The following WDR47 variants were observed in gnomAD, a reference collection of about 807,000 sequenced individuals.
The protein encoded by WDR47 is WD repeat domain 47, also known as WD repeat-containing protein 47.
WDR47 carries 32 observed loss-of-function variants against 97.2 expected under a neutral mutation model. The observed-to-expected ratio is 0.33, with a 90% CI of 0.25 to 0.44. The LOEUF is 0.44. Ranked by LOEUF, WDR47 falls within the 20% of genes least tolerant of loss-of-function variation. The pLI is 1.00. For synonymous variants in WDR47, 375 were observed against 373.5 expected (o/e 1.00, Z -0.05); for missense variants, 782 against 1,102.3 (o/e 0.71, Z 4.11).
chr1:109,035,551 G>A (rs913751201), intron 1 of WDR47, among the ~76,000 whole-genome samples: 2 of 148,402 alleles, frequency 1.3e-5, no homozygotes, highest in Non-Finnish European at 3.0e-5. Flanking sequence ...AGGCTGGAGT[G>A]CAGTGGCGCA....
intron 9 of WDR47, 181 bp from the exon 10 acceptor site, chr1:108,986,861 C>A: frequency 1.9e-6 from 1 of 523,228 alleles, no homozygotes; most frequent in Non-Finnish European, 3.3e-6. Flanking sequence ...TTACTAATAT[C>A]CTTTAAGAGG....
At chr1:108,979,607 T>C (rs893773607) in intron 13 of WDR47, among the ~76,000 whole-genome samples, 2 of 151,676 alleles carry the variant, frequency 1.3e-5, no homozygotes, top group African/African-American at 4.8e-5. Flanking sequence ...ATGATGGGAG[T>C]TGGAAAGGCA....
intron 11 of WDR47, 62 bp downstream of exon 11, chr1:108,983,220 C>A: frequency 1.4e-6 from 2 of 1,404,708 alleles, no homozygotes; most frequent in South Asian, 1.8e-5. Context: ...AGAAATACAA[C>A]ATGGAGAAAA....
chr1:108,989,663 C>A (rs559849397), intron 9 of WDR47, among the ~76,000 whole-genome samples: 4 of 152,296 alleles, frequency 2.6e-5, no homozygotes, highest in Admixed American at 2.0e-4. Flanking sequence ...GCAGAAGCCA[C>A]ACAAACTGAT....
intron 13 of WDR47, among the ~76,000 whole-genome samples, 185 bp downstream of exon 13, chr1:108,981,548 C>A (rs1356151463): frequency 1.3e-5 from 2 of 152,108 alleles, no homozygotes; most frequent in Non-Finnish European, 2.9e-5. Context: ...GTTCCCTAAG[C>A]TGAATATTAT....
At chr1:108,974,081 C>G (rs1366642201) in intron 14 of WDR47, among the ~76,000 whole-genome samples, 5 of 151,632 alleles carry the variant, frequency 3.3e-5, no homozygotes, top group Non-Finnish European at 5.9e-5. Flanking sequence ...GTAGTCCTAG[C>G]TACTTGCAGG....
chr1:108,978,401 C>G (rs1658090157), intron 13 of WDR47, among the ~76,000 whole-genome samples: 1 of 151,978 alleles, frequency 6.6e-6, no homozygotes, highest in African/African-American at 2.4e-5. Flanking sequence ...ATGGCGTGAA[C>G]CCGGGAGGCG....
intron 8 of WDR47, chr1:108,992,928 A>G (rs1659474167): frequency 1.1e-6 from 1 of 946,796 alleles, no homozygotes; most frequent in Admixed American, 2.4e-5. Context: ...ATATTTTTTT[A>G]ATTTCCTAGA....
intron 1 of WDR47, among the ~76,000 whole-genome samples, chr1:109,034,088 A>T (rs1270795389): frequency 6.6e-6 from 1 of 152,144 alleles, no homozygotes; most frequent in Non-Finnish European, 1.5e-5. Flanking sequence ...CAGGAGTTTG[A>T]GATCAGCCTG....
At chr1:108,986,439 C>A (rs1658818737) in intron 10 of WDR47, 84 bp downstream of exon 10, 1 of 1,247,946 alleles carries the variant, frequency 8.0e-7, no homozygotes, top group African/African-American at 1.5e-5. Flanking sequence ...TGAAACACTA[C>A]TGAATGGCAA....
chr1:108,976,589 A>C (rs998208815), intron 13 of WDR47, among the ~76,000 whole-genome samples: 5 of 152,196 alleles, frequency 3.3e-5, no homozygotes, highest in African/African-American at 1.2e-4. Flanking sequence ...GATGAAACTT[A>C]AAATCTATTG....
intron 1 of WDR47, among the ~76,000 whole-genome samples, chr1:109,031,157 AG>A (rs1484548266): frequency 7.1e-6 from 1 of 140,134 alleles, no homozygotes; most frequent in East Asian, 2.1e-4. Context: ...ACAAAAGAAA[AG>A]CTCTTCTAAC....
intron 2 of WDR47, among the ~76,000 whole-genome samples, chr1:109,019,682 T>C (rs1192051871): frequency 6.6e-6 from 1 of 152,156 alleles, no homozygotes; most frequent in African/African-American, 2.4e-5. Context: ...GCTGAGAAAC[T>C]CTGCTCTACA....
intron 2 of WDR47, among the ~76,000 whole-genome samples, chr1:109,018,223 C>T (rs1350784384): frequency 1.3e-5 from 2 of 151,584 alleles, no homozygotes; most frequent in Non-Finnish European, 2.9e-5. Context: ...CCAAGGTGGG[C>T]AGATCACCTG....
chr1:108,981,627 T>C, intron 13 of WDR47, 106 bp downstream of exon 13: 3 of 1,108,646 alleles, frequency 2.7e-6, no homozygotes, highest in Non-Finnish European at 3.7e-6. Context: ...ATATCAAGTA[T>C]TTATTTCACA....
chr1:109,024,452 C>G (rs1557958511), intron 1 of WDR47, among the ~76,000 whole-genome samples: 2 of 144,118 alleles, frequency 1.4e-5, no homozygotes, highest in East Asian at 4.0e-4. Flanking sequence ...GACTCCGTCT[C>G]AAAAAAAAAA....
intron 1 of WDR47, chr1:109,030,132 C>A: frequency 8.3e-7 from 1 of 1,205,372 alleles, no homozygotes. Context: ...CAAGAAGAAA[C>A]GCCTGGTGCA....
chr1:108,994,517 G>C (rs752509860), intron 8 of WDR47, among the ~76,000 whole-genome samples: 1 of 152,140 alleles, frequency 6.6e-6, no homozygotes, highest in African/African-American at 2.4e-5. Flanking sequence ...GCTGAGGTAG[G>C]AGGATCACTT....
intron 4 of WDR47, among the ~76,000 whole-genome samples, chr1:109,013,268 T>C (rs141749199): frequency 7.9e-5 from 12 of 152,322 alleles, no homozygotes; most frequent in Middle Eastern, 6.8e-3. Flanking sequence ...CCCCCTAGTT[T>C]ATGATATTTT....
Sources: gnomAD v4.1 joint callset for allele counts (sites outside exome capture counted in the v4.1 genomes callset) on GRCh38, gnomAD v4.1.1 for gene constraint, MANE v1.5 for transcripts, NCBI Gene and HGNC (gene_info 2026-07-23, HGNC 2026-07-21) for gene names.